ENOX1: variants seen among roughly 807,000 people sequenced by gnomAD.
ENOX1 encodes the protein ecto-NOX disulfide-thiol exchanger 1.
Under a neutral mutation model 82.5 loss-of-function variants are expected in ENOX1, and 42 were observed. The observed-to-expected ratio is 0.51, with a 90% CI of 0.40 to 0.66. ENOX1 has a LOEUF of 0.66. Ranked by LOEUF, ENOX1 falls within the 30% of genes least tolerant of loss-of-function variation. The pLI is 0.00. For missense variants in ENOX1, 608 were observed against 811.6 expected, an observed-to-expected ratio of 0.75 and a Z score of 3.05; for synonymous variants, 271 against 282.2, an observed-to-expected ratio of 0.96 and a Z score of 0.40.
At chr13:43,378,058 A>G (rs1269481034) in intron 5 of ENOX1, among the ~76,000 whole-genome samples, 2 of 152,208 alleles carry the variant, frequency 1.3e-5, no homozygotes, top group Admixed American at 1.3e-4. Flanking sequence ...TCTGGCAAGG[A>G]GAGAGTAACA....
intron 11 of ENOX1, among the ~76,000 whole-genome samples, chr13:43,321,420 C>T (rs1322885815): frequency 1.3e-5 from 2 of 152,224 alleles, no homozygotes; most frequent in African/African-American, 4.8e-5. Flanking sequence ...TTATGACCAT[C>T]ACTCGCACCC....
chr13:43,412,862 G>C lies in ENOX1; in HGVS notation c.53C>G (p.Pro18Arg). 1 of 1,614,050 alleles carries C rather than the reference G, an allele frequency of 6.2e-7. No homozygotes were observed. The highest frequency in any genetic ancestry group is 8.5e-7 in the Non-Finnish European group (1 of 1,180,002). Reference sequence around the variant, plus strand: ...GCATTTACCTGCAGCCATCATCTGAGGAAGCTCCTGGGGAAGCTGGGTGAT... The same window carrying C: ...GCATTTACCTGCAGCCATCATCTGACGAAGCTCCTGGGGAAGCTGGGTGAT... ...ENITQLPQELPQMMAAAADGL... is the reference protein window; with the variant it reads ...ENITQLPQELRQMMAAAADGL... Residue 18 changes from proline (P) to arginine (R), a missense_variant, in exon 4 of 17, where the codon CCT (proline) becomes CGT (arginine). Transcript: ENST00000690772.
intron 12 of ENOX1, among the ~76,000 whole-genome samples, chr13:43,281,387 A>G (rs1318092506): frequency 6.6e-6 from 1 of 152,230 alleles, no homozygotes; most frequent in Non-Finnish European, 1.5e-5. Context: ...CTTCAGAAAC[A>G]TTAAATATAG....
At chr13:43,651,810 A>G (rs528473410) in intron 2 of ENOX1, among the ~76,000 whole-genome samples, 108 of 151,606 alleles carry the variant, frequency 7.1e-4, no homozygotes, top group Non-Finnish European at 5.0e-4. Flanking sequence ...CCCCATCTCT[A>G]CTAAAAATAC....
intron 2 of ENOX1, among the ~76,000 whole-genome samples, chr13:43,564,742 A>G (rs2153707098): frequency 6.6e-6 from 1 of 152,312 alleles, no homozygotes; most frequent in South Asian, 2.1e-4. Context: ...AGTATTTCAA[A>G]TGTGAATCTT....
At chr13:43,496,373 C>T (rs566372972) in intron 2 of ENOX1, among the ~76,000 whole-genome samples, 37 of 151,642 alleles carry the variant, frequency 2.4e-4, no homozygotes, top group African/African-American at 8.2e-4. Flanking sequence ...TAGCAATTGG[C>T]TCTTTTTCTT....
intron 2 of ENOX1, among the ~76,000 whole-genome samples, chr13:43,641,508 A>T (rs973223937): frequency 6.6e-6 from 1 of 150,748 alleles, no homozygotes; most frequent in African/African-American, 2.4e-5. Context: ...CACAAAAGTA[A>T]CAGAGTAACA....
chr13:43,457,949 G>A (rs1488893768), intron 3 of ENOX1, among the ~76,000 whole-genome samples: 2 of 152,136 alleles, frequency 1.3e-5, no homozygotes, highest in African/African-American at 4.8e-5. Flanking sequence ...GTATATATGT[G>A]TGTATTCCTC....
intron 2 of ENOX1, among the ~76,000 whole-genome samples, chr13:43,539,147 T>C (rs2078600509): frequency 6.6e-6 from 1 of 152,184 alleles, no homozygotes; most frequent in Admixed American, 6.5e-5. Context: ...TGATTTCTGC[T>C]GTACATTTAT....
chr13:43,307,279 G>A (rs550896331), intron 11 of ENOX1, among the ~76,000 whole-genome samples: 1 of 152,278 alleles, frequency 6.6e-6, no homozygotes, highest in East Asian at 1.9e-4. Context: ...AAGGTGGGAG[G>A]ACCCAGTATG....
At chr13:43,298,587 G>T in intron 11 of ENOX1, 57 bp from the exon 12 acceptor site, 1 of 1,484,770 alleles carries the variant, frequency 6.7e-7, no homozygotes, top group Non-Finnish European at 9.1e-7. Context: ...GCTTGAGGAG[G>T]CCTTCTGTGG....
chr13:43,348,600 C>T (rs1363250645), intron 8 of ENOX1, among the ~76,000 whole-genome samples: 1 of 152,188 alleles, frequency 6.6e-6, no homozygotes, highest in African/African-American at 2.4e-5. Context: ...AAATGTCACG[C>T]TGTCTCACTC....
chr13:43,236,450 A>C (rs990409391), intron 15 of ENOX1, among the ~76,000 whole-genome samples, 186 bp downstream of exon 15: 1 of 152,234 alleles, frequency 6.6e-6, no homozygotes, highest in Admixed American at 6.5e-5. Flanking sequence ...AGTTACAGAA[A>C]GGCAAAACCC....
chr13:43,574,765 A>T (rs904455838), intron 2 of ENOX1, among the ~76,000 whole-genome samples: 2 of 152,170 alleles, frequency 1.3e-5, no homozygotes, highest in Non-Finnish European at 2.9e-5. Context: ...TTTCCTACAA[A>T]CATACTTTAT....
intron 11 of ENOX1, among the ~76,000 whole-genome samples, chr13:43,306,250 T>C (rs2046852961): frequency 6.6e-6 from 1 of 152,156 alleles, no homozygotes; most frequent in Non-Finnish European, 1.5e-5. Flanking sequence ...GGATGTGCCA[T>C]GGCTATGGAG....
At chr13:43,348,176 C>A (rs747723036) in intron 8 of ENOX1, among the ~76,000 whole-genome samples, 1 of 152,108 alleles carries the variant, frequency 6.6e-6, no homozygotes, top group Admixed American at 6.5e-5. Flanking sequence ...GCGTAAGTGC[C>A]CTTTAATAAA....
chr13:43,643,865 C>T (rs1333161662), intron 2 of ENOX1, among the ~76,000 whole-genome samples: 6 of 152,060 alleles, frequency 3.9e-5, no homozygotes, highest in Non-Finnish European at 7.4e-5. Context: ...TCAGTCATGT[C>T]TACCTTTACA....
intron 1 of ENOX1, among the ~76,000 whole-genome samples, chr13:43,673,201 G>T (rs535718308): frequency 6.7e-6 from 1 of 148,680 alleles, no homozygotes; most frequent in Non-Finnish European, 1.5e-5. Context: ...ATACATGTTC[G>T]ATTCTCATAT....
intron 2 of ENOX1, among the ~76,000 whole-genome samples, chr13:43,597,974 A>G (rs775102937): frequency 1.3e-5 from 2 of 152,176 alleles, no homozygotes; most frequent in African/African-American, 2.4e-5. Context: ...TATGACAGCA[A>G]GCCTCCTCCA....
Sources: gnomAD v4.1 joint callset for allele counts (sites outside exome capture counted in the v4.1 genomes callset) on GRCh38, gnomAD v4.1.1 for gene constraint, MANE v1.5 for transcripts, NCBI Gene and HGNC (gene_info 2026-07-23, HGNC 2026-07-21) for gene names.